LRBA: variants seen among roughly 807,000 people sequenced by gnomAD.
LRBA encodes the protein lipopolysaccharide-responsive and beige-like anchor protein.
LRBA carries 176 observed loss-of-function variants against 330.0 expected under a neutral mutation model. That is an observed-to-expected ratio of 0.53 (90% CI 0.47 to 0.60). LRBA has a LOEUF of 0.60. LRBA is among the 20% of genes least tolerant of loss of function. The pLI, the probability that LRBA is intolerant of heterozygous loss-of-function variation, is 0.00. For missense variants in LRBA, 3,259 were observed against 3,444.8 expected (o/e 0.95, Z 1.35); for synonymous variants, 1,230 against 1,193.0 (o/e 1.03, Z -0.64).
intron 2 of LRBA, among the ~76,000 whole-genome samples, chr4:151,005,606 T>C (rs985948126): frequency 7.8e-5 from 10 of 128,110 alleles, no homozygotes; most frequent in Admixed American, 7.1e-4. Context: ...CCCAGGCTTT[T>C]TTTTTTTTTT....
Position 150,590,830 on chromosome 4 carries a change from T to C in LRBA, c.6076A>G (p.Lys2026Glu). Residue 2026 changes from lysine (K) to glutamate (E), a missense_variant, in exon 39 of 57, where the codon AAA (lysine) becomes GAA (glutamate). Lys to Glu is a moderately conservative substitution (Grantham distance 56). Coordinates refer to ENST00000651943, the MANE Select transcript of LRBA (RefSeq NM_001364905.1). ...AAAGCCTGACTCCTGATGGACTGTT[T>C]TCCTTTAGCAAGGATATCTTCATCT... ...ATDEDILAKG[K>E]QSIRSQALGN... The C allele has an allele frequency of 6.2e-7, 1 of 1,613,854 alleles. No homozygotes were observed. The highest frequency in any genetic ancestry group is 8.5e-7 in the Non-Finnish European group (1 of 1,179,776).
At chr4:150,743,655 T>C (rs56057309) in intron 35 of LRBA, among the ~76,000 whole-genome samples, 14 of 152,310 alleles carry the variant, frequency 9.2e-5, no homozygotes, top group African/African-American at 2.4e-4. Flanking sequence ...TTTGTTTAAG[T>C]GTTATCCATG....
chr4:150,509,643 A>T (rs1181438270), intron 40 of LRBA, among the ~76,000 whole-genome samples: 1 of 152,058 alleles, frequency 6.6e-6, no homozygotes, highest in Non-Finnish European at 1.5e-5. Flanking sequence ...TTAAAAAAAG[A>T]TCAATAAAAT....
At chr4:150,534,474 G>C (rs966939805) in intron 40 of LRBA, among the ~76,000 whole-genome samples, 36 of 151,566 alleles carry the variant, frequency 2.4e-4, no homozygotes, top group African/African-American at 8.7e-4. Flanking sequence ...TGCTTTAGTG[G>C]AAAGTTTTTA....
At chr4:150,893,002 C>T in intron 17 of LRBA, 50 bp downstream of exon 17, 1 of 1,142,490 alleles carries the variant, frequency 8.8e-7, no homozygotes, top group Non-Finnish European at 1.3e-6. Context: ...AAGAAGCTTT[C>T]AAATATTTCC....
chr4:150,749,618 T>C (rs1479796017), intron 35 of LRBA, among the ~76,000 whole-genome samples: 2 of 151,952 alleles, frequency 1.3e-5, no homozygotes, highest in Non-Finnish European at 2.9e-5. Context: ...TAATAATAGC[T>C]GGGCATGGTG....
intron 36 of LRBA, among the ~76,000 whole-genome samples, chr4:150,722,458 T>TA (rs1206796199): frequency 6.6e-6 from 1 of 152,060 alleles, no homozygotes; most frequent in African/African-American, 2.4e-5. Context: ...TCAAGTACTA[T>TA]AAGAAATGTG....
intron 50 of LRBA, among the ~76,000 whole-genome samples, chr4:150,318,425 G>A (rs903266319): frequency 2.0e-5 from 3 of 151,972 alleles, no homozygotes; most frequent in Non-Finnish European, 4.4e-5. Context: ...TAGATCCTCA[G>A]AAAAGAAACA....
intron 36 of LRBA, among the ~76,000 whole-genome samples, chr4:150,727,067 G>T (rs1196819197): frequency 1.5e-4 from 12 of 79,520 alleles, no homozygotes; most frequent in East Asian, 4.5e-4. Flanking sequence ...ACATTTCGTT[G>T]TTTTTTTTTT....
At chr4:150,975,533 CA>C (rs562938295) in intron 2 of LRBA, among the ~76,000 whole-genome samples, 8,075 of 77,938 alleles carry the variant, frequency 0.1, 551 homozygotes, top group African/African-American at 0.29. Flanking sequence ...GACTCTATCT[CA>C]AAAAAAAAAA....
intron 44 of LRBA, among the ~76,000 whole-genome samples, chr4:150,443,080 T>C (rs1422856720): frequency 6.6e-6 from 1 of 152,132 alleles, no homozygotes; most frequent in Non-Finnish European, 1.5e-5. Flanking sequence ...ATCCCCAATT[T>C]GCAGGTGAAA....
chr4:150,408,326 T>C (rs1432566211), intron 47 of LRBA, among the ~76,000 whole-genome samples: 2 of 151,970 alleles, frequency 1.3e-5, no homozygotes, highest in African/African-American at 2.4e-5. Flanking sequence ...ATTACTGACA[T>C]AGATTCAAGA....
rs954262014 is a variant in LRBA, at chr4:150,487,930, G to T, written c.6449-96C>A. ...AATAAAATATTTACTTTTAATTCAG[G>T]TATCTATTAAATACAATTCTTACTA... is the stretch of plus-strand genomic sequence containing the variant. On this transcript the variant is annotated intron_variant, in intron 41 of 56. Transcript: ENST00000651943. The T allele has an allele frequency of 9.0e-6, 5 of 553,800 alleles. No individual in the cohort carries two copies. In the South Asian group the frequency reaches 1.1e-4, roughly 12 times the overall value. 34.3% of individuals were successfully genotyped at this position (553,800 alleles called of 1,614,324 possible). A position where few individuals can be genotyped will look rare whatever the true frequency, so the allele number is the denominator to read the frequency against.
At chr4:150,700,222 G>T (rs1784985592) in intron 36 of LRBA, among the ~76,000 whole-genome samples, 1 of 152,036 alleles carries the variant, frequency 6.6e-6, no homozygotes, top group South Asian at 2.1e-4. Context: ...AAACAGAAAA[G>T]CCACAATTTA....
chr4:150,815,354 A>G (rs572915386), intron 31 of LRBA, among the ~76,000 whole-genome samples: 25 of 136,048 alleles, frequency 1.8e-4, no homozygotes, highest in African/African-American at 7.8e-4. Context: ...TCTCCAAAGG[A>G]AAAAAAAAAA....
chr4:150,628,428 T>C (rs1245796126), intron 37 of LRBA, among the ~76,000 whole-genome samples: 5 of 152,202 alleles, frequency 3.3e-5, no homozygotes, highest in Non-Finnish European at 7.4e-5. Context: ...AGATAGATCA[T>C]TCACACCCAC....
chr4:150,277,768 C>G, intron 56 of LRBA, 85 bp downstream of exon 56: 1 of 1,339,378 alleles, frequency 7.5e-7, no homozygotes, highest in African/African-American at 1.4e-5. Context: ...TCCCAAAGTA[C>G]TGGGATTACA....
In LRBA at chr4:150,848,888, A is replaced by C. The variant is rs758258982; in HGVS notation, c.4269T>G (p.Leu1423=). 2 of 1,613,642 alleles carry C rather than the reference A, an allele frequency of 1.2e-6. No individual in the cohort carries two copies. The highest frequency in any genetic ancestry group is 3.3e-5 in the Admixed American group (2 of 59,924). ...TTTCAGCTTCAATTTCAGTAAAGCC[A>C]AGAGAACTTGCAAATATAAGCACAT... ...LVDVLIFASS[L]GFTEIEAEKS... is the part of the protein sequence containing the mutation. The change falls in exon 26 of 57, where the codon CTT becomes CTG. Residue 1423 remains leucine (L), a synonymous_variant. Coordinates refer to ENST00000651943, the MANE Select transcript of LRBA (RefSeq NM_001364905.1).
intron 36 of LRBA, among the ~76,000 whole-genome samples, chr4:150,714,658 G>C (rs1176783912): frequency 6.6e-6 from 1 of 152,106 alleles, no homozygotes; most frequent in Non-Finnish European, 1.5e-5. Context: ...TCTCAACACA[G>C]AAAAATGATA....
Sources: gnomAD v4.1 joint callset for allele counts (sites outside exome capture counted in the v4.1 genomes callset) on GRCh38, gnomAD v4.1.1 for gene constraint, MANE v1.5 for transcripts, NCBI Gene and HGNC (gene_info 2026-07-23, HGNC 2026-07-21) for gene names.